The following ANXA3 variants were observed in gnomAD, a reference collection of about 807,000 sequenced individuals.
The protein encoded by ANXA3 is 35-alpha calcimedin.
Under a neutral mutation model 48.8 loss-of-function variants are expected in ANXA3, and 46 were observed. The observed-to-expected ratio is 0.94, with a 90% CI of 0.74 to 1.21. The LOEUF is 1.21. ANXA3 is among the 50% of genes most tolerant of loss of function. The pLI is 0.00. For synonymous variants in ANXA3, 128 were observed against 134.7 expected (o/e 0.95, Z 0.35); for missense variants, 383 against 378.6 (o/e 1.01, Z -0.10).
chr4:78,592,500 C>T (rs1371138810), intron 7 of ANXA3, among the ~76,000 whole-genome samples: 1 of 152,168 alleles, frequency 6.6e-6, no homozygotes, highest in Non-Finnish European at 1.5e-5. Flanking sequence ...AGCATTGCTG[C>T]AAACATATGC....
chr4:78,604,410 T>C lies in ANXA3; in HGVS notation c.912+11T>C, dbSNP rs1723606768. On this transcript the variant is annotated intron_variant, in intron 12 of 12. Coordinates refer to ENST00000264908, the MANE Select transcript of ANXA3 (RefSeq NM_005139.3). ...TATTCAGCAATTAAAGTAAGTCTAC[T>C]TTTAAAAATAGCAAAACATATTTTG... 6.2e-7 allele frequency: 1 copy of C among 1,605,710 alleles called. No homozygotes were observed. The highest frequency in any genetic ancestry group is 1.3e-5 in the African/African-American group (1 of 74,790).
intron 1 of ANXA3, chr4:78,554,129 A>T (rs995242266): frequency 7.8e-5 from 17 of 217,614 alleles, no homozygotes; most frequent in Non-Finnish European, 1.4e-4. Context: ...GTTCTCCTGG[A>T]CTTTAAATAA....
At chr4:78,575,122 A>C (rs562711929) in intron 3 of ANXA3, among the ~76,000 whole-genome samples, 1 of 152,212 alleles carries the variant, frequency 6.6e-6, no homozygotes, top group Non-Finnish European at 1.5e-5. Context: ...TGACTGATGC[A>C]GTTAAGCATC....
At chr4:78,581,881 G>A (rs1349847307) in intron 4 of ANXA3, among the ~76,000 whole-genome samples, 2 of 152,130 alleles carry the variant, frequency 1.3e-5, no homozygotes, top group South Asian at 4.1e-4. Context: ...CCCAATCTAA[G>A]CATTGAAAGC....
chr4:78,576,293 T>G (rs1003363157), intron 3 of ANXA3, among the ~76,000 whole-genome samples: 5 of 152,152 alleles, frequency 3.3e-5, no homozygotes, highest in Admixed American at 1.3e-4. Context: ...ATTTCTTCAT[T>G]TATCTCTTGA....
At chr4:78,599,700 T>C (rs1158452994) in intron 10 of ANXA3, among the ~76,000 whole-genome samples, 2 of 152,036 alleles carry the variant, frequency 1.3e-5, no homozygotes, top group Non-Finnish European at 2.9e-5. Flanking sequence ...CCAATGGCAA[T>C]GATAGAACTG....
At position 78,597,403 on chromosome 4, in the gene ANXA3, T is replaced by C. The variant is rs760493179; in HGVS notation, c.719T>C (p.Leu240Pro). The C allele has an allele frequency of 6.2e-7, 1 of 1,606,160 alleles. No individual in the cohort carries two copies. Among genetic ancestry groups the C allele is most frequent in the East Asian group, 2.2e-5 (1 of 44,752 alleles). Residue 240 changes from leucine to proline, a missense_variant, in exon 10 of 13, where the codon CTG (leucine) becomes CCG (proline). Physicochemically the swap from Leu to Pro is moderately conservative, Grantham distance 98. Transcript: ENST00000264908. ...TTATCTGGGCATTTTGAAGACTTAC[T>C]GTTGGCCATAGGTAAGACTTCGAGT... Reference protein sequence around the residue: ...GELSGHFEDLLLAIVNCVRNT... With the variant: ...GELSGHFEDLPLAIVNCVRNT...
intron 6 of ANXA3, 25 bp downstream of exon 6, chr4:78,586,375 AC>A: frequency 6.5e-7 from 1 of 1,527,986 alleles, no homozygotes; most frequent in East Asian, 2.3e-5. Context: ...GCTTACCTTC[AC>A]CACTGTTCAC....
intron 3 of ANXA3, among the ~76,000 whole-genome samples, chr4:78,574,279 G>C (rs1722903426): frequency 6.6e-6 from 1 of 152,116 alleles, no homozygotes; most frequent in African/African-American, 2.4e-5. Flanking sequence ...AATTAGCTGG[G>C]CTTAGTGGCT....
At position 78,562,622 on chromosome 4, in the gene ANXA3, G is replaced by C. The variant is rs552684433; in HGVS notation, c.15+8134G>C. 5.9e-5 allele frequency among the ~76,000 whole-genome samples: 9 copies of C among 152,322 alleles called. No homozygotes were observed. In the South Asian group the frequency reaches 1.9e-3, roughly 32 times the overall value. On this transcript the variant is annotated intron_variant, in intron 2 of 12. Coordinates refer to ENST00000264908, the MANE Select transcript of ANXA3 (RefSeq NM_005139.3). ...TTTACTAACTATCTTTTATATGCCAGATATTGGCTCTGGCAACACAGCAGA... is the reference window on the plus strand; with the variant it reads ...TTTACTAACTATCTTTTATATGCCACATATTGGCTCTGGCAACACAGCAGA...
intron 3 of ANXA3, among the ~76,000 whole-genome samples, chr4:78,574,465 G>T (rs1722908149): frequency 6.6e-6 from 1 of 152,060 alleles, no homozygotes; most frequent in Non-Finnish European, 1.5e-5. Context: ...AATCCCGTCA[G>T]TTCTTCCTGG....
At chr4:78,572,922 A>G in intron 2 of ANXA3, 1 of 539,186 alleles carries the variant, frequency 1.9e-6, no homozygotes, top group East Asian at 4.0e-5. Context: ...TTCCTCCTGA[A>G]GTTAGTTTGC....
chr4:78,610,272 T>G lies in ANXA3; in HGVS notation c.*157T>G. ...CTATAACAACAACAACAAAAGCGAT[T>G]ATTATTTTAGAGCATCTCATTTATA... is the stretch of plus-strand genomic sequence containing the variant. On this transcript the variant is annotated 3_prime_UTR_variant, in exon 13 of 13. Transcript: ENST00000264908. 1 of 481,302 alleles carries G rather than the reference T, an allele frequency of 2.1e-6. No homozygotes were observed. The highest frequency in any genetic ancestry group is 3.7e-6 in the Non-Finnish European group (1 of 270,568). 29.8% of individuals were successfully genotyped at this position (481,302 alleles called of 1,614,324 possible).
chr4:78,600,825 T>G (rs140899044), intron 10 of ANXA3, among the ~76,000 whole-genome samples: 1 of 152,342 alleles, frequency 6.6e-6, no homozygotes, highest in East Asian at 1.9e-4. Context: ...TTTCTATTCC[T>G]ATTTTCTTTT....
At chr4:78,596,009 A>G in intron 9 of ANXA3, 122 bp downstream of exon 9, 1 of 626,316 alleles carries the variant, frequency 1.6e-6, no homozygotes, top group Non-Finnish European at 2.8e-6. Context: ...AGTTATTCAC[A>G]CTTCAGGAAA....
chr4:78,599,313 A>G (rs1224178039), intron 10 of ANXA3, among the ~76,000 whole-genome samples: 1 of 152,108 alleles, frequency 6.6e-6, no homozygotes, highest in African/African-American at 2.4e-5. Context: ...GGCTCCTATA[A>G]TCATTAATCT....
chr4:78,595,971 C>T (rs990552828), intron 9 of ANXA3, 84 bp downstream of exon 9: 2 of 944,960 alleles, frequency 2.1e-6, no homozygotes, highest in African/African-American at 1.7e-5. Flanking sequence ...TCTAGAAAAA[C>T]GAAGTTTAAA....
rs141423886 is a variant in ANXA3 at position 78,558,590 on chromosome 4, T to A, written c.15+4102T>A. On this transcript the variant is annotated intron_variant, in intron 2 of 12. Transcript: ENST00000264908. ...AGTTGCAATTTCAATGCATTACCAT[T>A]GAAGATGAAAGAATGGCTGGTTTCT... is the stretch of plus-strand genomic sequence containing the variant. Among the ~76,000 whole-genome samples, 21 of 152,376 alleles carry A rather than the reference T, an allele frequency of 1.4e-4. No individual in the cohort carries two copies. The East Asian group carries it at 4.0e-3, about 29-fold the overall frequency.
At chr4:78,583,975 C>T (rs1723123548) in intron 5 of ANXA3, among the ~76,000 whole-genome samples, 1 of 152,122 alleles carries the variant, frequency 6.6e-6, no homozygotes, top group African/African-American at 2.4e-5. Context: ...TAAAACTGAC[C>T]GTCATACCCC....
Sources: allele counts gnomAD v4.1 joint callset (sites outside exome capture counted in the v4.1 genomes callset), GRCh38; gene constraint gnomAD v4.1.1; transcripts MANE v1.5; gene names NCBI Gene and HGNC (gene_info 2026-07-23, HGNC 2026-07-21).